Variants in SLC16A2 observed in about 807,000 individuals in gnomAD.
SLC16A2 encodes the protein monocarboxylate transporter 8.
A neutral mutation model predicts 27.2 loss-of-function variants in SLC16A2; 3 were observed. The observed-to-expected ratio is 0.11, with a 90% confidence interval of 0.05 to 0.28. The LOEUF (loss-of-function observed/expected upper bound fraction) is 0.28. SLC16A2 is among the 10% of genes least tolerant of loss of function. The pLI is 1.00. For synonymous variants in SLC16A2, 202 were observed against 187.8 expected, an observed-to-expected ratio of 1.08 and a Z score of -0.62; for missense variants, 295 against 458.5, an observed-to-expected ratio of 0.64 and a Z score of 3.26.
At chrX:74,529,092 C>T in intron 4 of SLC16A2, 121 bp from the exon 5 acceptor site, 1 of 508,068 alleles carries the variant, frequency 2.0e-6, no homozygotes, top group South Asian at 3.0e-5. Flanking sequence ...TCTGTTGACA[C>T]CTTCCCCCTC....
chrX:74,525,293 T>C (rs1930472109), intron 3 of SLC16A2, among the ~76,000 whole-genome samples: 1 of 112,179 alleles, frequency 8.9e-6, no homozygotes, highest in Non-Finnish European at 1.9e-5. Context: ...ACCAAACTTA[T>C]GCAACTACAG....
chrX:74,493,918 G>A (rs750428998), intron 1 of SLC16A2, among the ~76,000 whole-genome samples: 3 of 111,582 alleles, frequency 2.7e-5, no homozygotes, highest in South Asian at 7.6e-4. Context: ...ACTCTCAGGC[G>A]GGAACAAGCC....
intron 1 of SLC16A2, among the ~76,000 whole-genome samples, chrX:74,433,233 G>A (rs1381516752): frequency 2.7e-5 from 3 of 110,406 alleles, no homozygotes; most frequent in East Asian, 2.8e-4. Flanking sequence ...TTAGCTGGGC[G>A]CAGTGGTGTG....
chrX:74,495,546 G>A (rs930664035), intron 1 of SLC16A2, among the ~76,000 whole-genome samples: 1 of 109,670 alleles, frequency 9.1e-6, no homozygotes, highest in African/African-American at 3.3e-5. Flanking sequence ...CCAGCATCAG[G>A]TCTTGGTCTC....
intron 1 of SLC16A2, among the ~76,000 whole-genome samples, chrX:74,429,185 A>G (rs754395384): frequency 3.3e-4 from 37 of 111,584 alleles, no homozygotes; most frequent in Non-Finnish European, 6.2e-4. Context: ...AGAAAAAAAT[A>G]GGCCAGGCCC....
chrX:74,427,816 C>A, intron 1 of SLC16A2, among the ~76,000 whole-genome samples: 1 of 69,548 alleles, frequency 1.4e-5, no homozygotes, highest in African/African-American at 6.6e-5. Context: ...CGCGCGCACA[C>A]ACACACACAC....
intron 1 of SLC16A2, among the ~76,000 whole-genome samples, chrX:74,453,057 T>C (rs951437060): frequency 7.4e-5 from 8 of 108,453 alleles, no homozygotes; most frequent in Non-Finnish European, 1.9e-5. Context: ...GGTTGCTTTT[T>C]TTTTTTTTTA....
chrX:74,493,633 C>T lies in SLC16A2; in HGVS notation c.431-27357C>T, dbSNP rs769709936. Among the ~76,000 whole-genome samples, 174 of 112,479 alleles carry T rather than the reference C, an allele frequency of 1.5e-3. 1 individual carries two copies. The highest frequency in any genetic ancestry group is 5.0e-3 in the African/African-American group (156 of 30,977). On this transcript the variant is annotated intron_variant, in intron 1 of 5. Coordinates refer to ENST00000587091, the MANE Select transcript of SLC16A2 (RefSeq NM_006517.5). ...CGCCAATGCAGATTTTTTCATTTGA[C>T]GAGCTGCTTTCCTAGAATTGTTGAA... is the stretch of plus-strand genomic sequence containing the variant.
At chrX:74,427,821 A>G (rs147257425) in intron 1 of SLC16A2, among the ~76,000 whole-genome samples, 4,116 of 108,950 alleles carry the variant, frequency 0.038, 78 homozygotes, top group Non-Finnish European at 0.053. Flanking sequence ...GCACACACAC[A>G]CACACACACA....
chrX:74,470,854 C>T (rs907578353), intron 1 of SLC16A2, among the ~76,000 whole-genome samples: 3 of 110,645 alleles, frequency 2.7e-5, no homozygotes, highest in Non-Finnish European at 3.8e-5. Flanking sequence ...AGGAGAATGG[C>T]GTGAACCCAG....
intron 1 of SLC16A2, among the ~76,000 whole-genome samples, chrX:74,447,917 C>T (rs1295864223): frequency 9.2e-6 from 1 of 108,573 alleles, no homozygotes; most frequent in African/African-American, 3.4e-5. Context: ...ACCTGGGAGG[C>T]GGAGGTTGCA....
chrX:74,462,613 C>G (rs1388947749), intron 1 of SLC16A2, among the ~76,000 whole-genome samples: 1 of 85,085 alleles, frequency 1.2e-5, no homozygotes, highest in Non-Finnish European at 2.1e-5. Context: ...CCACTGCACC[C>G]GGCAGGTTTG....
intron 1 of SLC16A2, among the ~76,000 whole-genome samples, chrX:74,454,148 C>G (rs1294035507): frequency 8.9e-6 from 1 of 111,805 alleles, no homozygotes; most frequent in East Asian, 2.8e-4. Flanking sequence ...ACTAGTTCAA[C>G]CATTGTGGAA....
At chrX:74,467,798 CA>C (rs961312891) in intron 1 of SLC16A2, among the ~76,000 whole-genome samples, 1 of 111,494 alleles carries the variant, frequency 9.0e-6, no homozygotes, top group African/African-American at 3.3e-5. Context: ...GTCCCCCTCC[CA>C]GAAACCACTC....
intron 1 of SLC16A2, among the ~76,000 whole-genome samples, chrX:74,495,521 T>G (rs920561047): frequency 6.4e-5 from 7 of 109,508 alleles, no homozygotes; most frequent in Non-Finnish European, 9.6e-5. Flanking sequence ...TGGAAACTGA[T>G]CTGGCCAGAG....
chrX:74,496,157 G>A (rs1929929900), intron 1 of SLC16A2, among the ~76,000 whole-genome samples: 1 of 111,057 alleles, frequency 9.0e-6, no homozygotes, highest in African/African-American at 3.3e-5. Flanking sequence ...TGGTGAAGAG[G>A]AGAGCCTAAG....
chrX:74,524,672 C>T lies in SLC16A2; in HGVS notation c.889C>T (p.Arg297Cys), dbSNP rs1555989715. Residue 297 changes from arginine to cysteine, a missense_variant, in exon 3 of 6, where the codon CGC (arginine) becomes TGC (cysteine). Arg to Cys is a radical substitution (Grantham distance 180, BLOSUM62 -3). This residue lies in a region of SLC16A2 where 144 missense variants were observed against 219.8 expected (regional missense o/e 0.66). Transcript: ENST00000587091. Reference protein sequence around the residue: ...SQDTPSKRGVRTLHQRFLAQL... With the variant: ...SQDTPSKRGVCTLHQRFLAQL... Reference sequence around the variant, plus strand: ...GGACACCCCAAGCAAGAGAGGTGTCCGCACCCTGCACCAGCGCTTTCTGGC... The same window carrying T: ...GGACACCCCAAGCAAGAGAGGTGTCTGCACCCTGCACCAGCGCTTTCTGGC... 7 of 1,211,850 alleles carry T rather than the reference C, an allele frequency of 5.8e-6. No individual in the cohort carries two copies. The highest frequency in any genetic ancestry group is 3.0e-5 in the East Asian group (1 of 33,845).
intron 1 of SLC16A2, among the ~76,000 whole-genome samples, chrX:74,443,399 G>A (rs1928786065): frequency 9.0e-6 from 1 of 111,612 alleles, no homozygotes; most frequent in Non-Finnish European, 1.9e-5. Flanking sequence ...CCATGAACTC[G>A]AGCAGCCTCG....
chrX:74,453,492 C>G (rs906130505), intron 1 of SLC16A2, among the ~76,000 whole-genome samples: 2 of 111,636 alleles, frequency 1.8e-5, no homozygotes, highest in Non-Finnish European at 3.8e-5. Flanking sequence ...GAGGGAGCTG[C>G]ATTTAAACCC....
Sources: allele counts gnomAD v4.1 joint callset (sites outside exome capture counted in the v4.1 genomes callset), GRCh38; gene constraint gnomAD v4.1.1; regional missense constraint gnomAD v4.1.1; transcripts MANE v1.5; gene names NCBI Gene and HGNC (gene_info 2026-07-23, HGNC 2026-07-21).